Variants in VTI1A observed in about 807,000 individuals in gnomAD.
The protein encoded by VTI1A is vesicle transport through interaction with t-SNAREs homolog 1A.
VTI1A carries 22 observed loss-of-function variants against 34.9 expected under a neutral mutation model. That is an observed-to-expected ratio of 0.63 (90% CI 0.45 to 0.90). VTI1A has a LOEUF of 0.90. Among genes scored for constraint, VTI1A ranks in the 40% least tolerant of loss-of-function variants. The pLI is 0.00. For missense variants in VTI1A, 268 were observed against 275.6 expected, an observed-to-expected ratio of 0.97 and a Z score of 0.20; for synonymous variants, 87 against 97.3, an observed-to-expected ratio of 0.89 and a Z score of 0.62.
At chr10:112,689,727 T>C (rs1335589884) in intron 7 of VTI1A, among the ~76,000 whole-genome samples, 1 of 152,070 alleles carries the variant, frequency 6.6e-6, no homozygotes, top group African/African-American at 2.4e-5. Context: ...GGCCTACAGA[T>C]TTTTTTACTT....
At chr10:112,464,770 A>G in intron 3 of VTI1A, 113 bp downstream of exon 3, 1 of 860,348 alleles carries the variant, frequency 1.2e-6, no homozygotes. Flanking sequence ...AAGACAAGTA[A>G]CAGCTTTCAT....
At chr10:112,597,362 C>T (rs1043802632) in intron 5 of VTI1A, among the ~76,000 whole-genome samples, 6 of 152,084 alleles carry the variant, frequency 3.9e-5, no homozygotes, top group African/African-American at 1.2e-4. Context: ...GGATTACAGG[C>T]GTGCGTCACC....
intron 5 of VTI1A, among the ~76,000 whole-genome samples, chr10:112,557,889 A>C (rs1851590272): frequency 6.6e-6 from 1 of 152,188 alleles, no homozygotes; most frequent in Non-Finnish European, 1.5e-5. Context: ...TGTTTTAATA[A>C]CTTTATTTAC....
intron 7 of VTI1A, among the ~76,000 whole-genome samples, chr10:112,755,654 G>T (rs1420485949): frequency 6.6e-6 from 1 of 152,152 alleles, no homozygotes; most frequent in East Asian, 1.9e-4. Flanking sequence ...TATTGCATTT[G>T]CACATATTTC....
intron 5 of VTI1A, among the ~76,000 whole-genome samples, chr10:112,545,672 G>T (rs1476342542): frequency 2.0e-5 from 3 of 152,184 alleles, no homozygotes; most frequent in Non-Finnish European, 4.4e-5. Flanking sequence ...TGGGTCCCAT[G>T]TCGGATCTAC....
rs946236287 is a variant in VTI1A, at chr10:112,817,112, A to G, written c.*1729A>G. Reference sequence around the variant, plus strand: ...ACGGAATGCTGTACGTGCTGACCACATCTAAGAACCATTAAAAAGCAAGGA... The same window carrying G: ...ACGGAATGCTGTACGTGCTGACCACGTCTAAGAACCATTAAAAAGCAAGGA... On this transcript the variant is annotated 3_prime_UTR_variant, in exon 8 of 8. Coordinates refer to ENST00000393077, the MANE Select transcript of VTI1A (RefSeq NM_145206.4). 9 of 232,554 alleles carry G rather than the reference A, an allele frequency of 3.9e-5. No homozygotes were observed. The highest frequency in any genetic ancestry group is 2.0e-4 in the African/African-American group (9 of 45,300). The allele number at this position is 232,554 out of a possible 1,614,324, so 14.4% of individuals were successfully genotyped here. A position where few individuals can be genotyped will look rare whatever the true frequency, so the allele number is the denominator to read the frequency against.
At chr10:112,850,358 GA>G in the VTI1A span, among the ~76,000 whole-genome samples, 43 of 143,762 alleles carry the variant, frequency 3.0e-4, no homozygotes, top group African/African-American at 2.8e-4. Flanking sequence ...ACCTTTAAAG[GA>G]AAAAAAAAAA....
chr10:112,826,373 G>A, the VTI1A span: 1 of 152,226 alleles, frequency 6.6e-6, no homozygotes, highest in Non-Finnish European at 1.5e-5. Context: ...CCATGGGCAA[G>A]GCAGTCTCTC....
At position 112,529,798 on chromosome 10, in the gene VTI1A, GT is replaced by G. The variant is rs571232871; in HGVS notation, c.342+2635del. ...GGAATTAATAGCAATGATTATATAG[GT>G]AAAATACTGGCTAGGTATTTTCAAT... On this transcript the variant is annotated intron_variant, in intron 4 of 7. Transcript: ENST00000393077. Among the ~76,000 whole-genome samples the G allele has an allele frequency of 4.2e-3, 641 of 152,048 alleles. 3 individuals are homozygous for G. Among genetic ancestry groups the G allele is most frequent in the Middle Eastern group, 0.01 (3 of 292 alleles).
chr10:112,831,959 C>T, the VTI1A span: 2 of 152,210 alleles, frequency 1.3e-5, no homozygotes, highest in African/African-American at 2.4e-5. Context: ...GGCCGCTGTA[C>T]ACTCAGCAGC....
chr10:112,754,651 T>C (rs1851218912), intron 7 of VTI1A, among the ~76,000 whole-genome samples: 1 of 152,222 alleles, frequency 6.6e-6, no homozygotes, highest in Non-Finnish European at 1.5e-5. Flanking sequence ...ATGGAAGAAC[T>C]GAGGCTTTCA....
rs563846684 is a variant in VTI1A at position 112,692,660 on chromosome 10, CGCACAGAGTATT to C, written c.560+23665_560+23676del. ...ACAATTTCTTCTTCTTTAGCTTTAT[CGCACAGAGTATT>C]GCCCATGGTTTTAATGTGCTAGCTA... On this transcript the variant is annotated intron_variant, in intron 7 of 7. Transcript: ENST00000393077. Among the ~76,000 whole-genome samples the C allele has an allele frequency of 6.6e-5, 10 of 152,334 alleles. No homozygotes were observed. The South Asian group carries it at 1.9e-3, about 28-fold the overall frequency.
intron 7 of VTI1A, among the ~76,000 whole-genome samples, chr10:112,760,114 A>G (rs1282546441): frequency 1.3e-5 from 2 of 152,234 alleles, no homozygotes; most frequent in Non-Finnish European, 2.9e-5. Context: ...ACTAGAATCT[A>G]GGGAGGTAGA....
chr10:112,752,314 A>AT, intron 7 of VTI1A: 1 of 963,974 alleles, frequency 1.0e-6, no homozygotes, highest in Non-Finnish European at 1.2e-6. Flanking sequence ...TGTCATACTG[A>AT]TTCCATTTTG....
chr10:112,834,644 T>G, the VTI1A span, among the ~76,000 whole-genome samples: 1 of 152,186 alleles, frequency 6.6e-6, no homozygotes, highest in Non-Finnish European at 1.5e-5. Context: ...TGATCTCCCC[T>G]CTCTGCTGAC....
chr10:112,461,179 A>G (rs1847713343), intron 2 of VTI1A, among the ~76,000 whole-genome samples: 1 of 152,218 alleles, frequency 6.6e-6, no homozygotes, highest in South Asian at 2.1e-4. Context: ...GCAGGCCTAG[A>G]TGTATGCTTA....
At chr10:112,488,935 C>T (rs940978467) in intron 3 of VTI1A, among the ~76,000 whole-genome samples, 1 of 152,070 alleles carries the variant, frequency 6.6e-6, no homozygotes, top group Non-Finnish European at 1.5e-5. Context: ...TTGATGTCAT[C>T]CTTTTATTTT....
intron 7 of VTI1A, among the ~76,000 whole-genome samples, chr10:112,778,470 C>A (rs1852017256): frequency 6.6e-6 from 1 of 152,050 alleles, no homozygotes. Context: ...ACCATCTGGA[C>A]TGAGTGCAAA....
intron 7 of VTI1A, among the ~76,000 whole-genome samples, chr10:112,808,624 CAAA>C (rs760656671): frequency 6.7e-5 from 4 of 59,572 alleles, no homozygotes; most frequent in African/African-American, 1.3e-4. Flanking sequence ...GACTCCATCT[CAAA>C]AAAAAAAAAA....
Sources: gnomAD v4.1 joint callset for allele counts (sites outside exome capture counted in the v4.1 genomes callset) on GRCh38, gnomAD v4.1.1 for gene constraint, MANE v1.5 for transcripts, NCBI Gene and HGNC (gene_info 2026-07-23, HGNC 2026-07-21) for gene names.